AR: variants seen among roughly 807,000 people sequenced by gnomAD.
AR encodes androgen receptor.
AR carries 8 observed loss-of-function variants against 53.9 expected under a neutral mutation model. The ratio of observed to expected loss-of-function variants is 0.15; its 90% CI spans 0.09 to 0.27. AR has a LOEUF of 0.27. Ranked by LOEUF, AR falls within the 10% of genes least tolerant of loss-of-function variation. The probability of loss-of-function intolerance (pLI) is 1.00; values close to 1 mark genes in which losing one functional copy is unlikely to be tolerated. For synonymous variants in AR, 359 were observed against 316.4 expected, an observed-to-expected ratio of 1.13 and a Z score of -1.43; for missense variants, 639 against 742.5, an observed-to-expected ratio of 0.86 and a Z score of 1.62.
intron 3 of AR, among the ~76,000 whole-genome samples, chrX:67,705,647 T>C (rs1335025124): frequency 9.0e-6 from 1 of 111,635 alleles, no homozygotes; most frequent in Non-Finnish European, 1.9e-5. Context: ...TTCTTTCTGC[T>C]GCCTGATTGT....
intron 1 of AR, among the ~76,000 whole-genome samples, chrX:67,640,147 T>C (rs1925669035): frequency 8.9e-6 from 1 of 111,751 alleles, no homozygotes; most frequent in Non-Finnish European, 1.9e-5. Flanking sequence ...TGAACCAGCC[T>C]TGCATCCCAG....
At chrX:67,693,766 C>CT (rs2076006688) in intron 3 of AR, among the ~76,000 whole-genome samples, 1 of 111,764 alleles carries the variant, frequency 8.9e-6, no homozygotes, top group African/African-American at 3.2e-5. Context: ...CCTGCATCAC[C>CT]TTTTTTGGAA....
At chrX:67,593,573 A>G (rs1282194908) in intron 1 of AR, among the ~76,000 whole-genome samples, 11 of 110,577 alleles carry the variant, frequency 9.9e-5, no homozygotes, top group Non-Finnish European at 1.9e-5. Context: ...GATGGTCTCG[A>G]TCTCTTGACC....
At chrX:67,666,892 T>A (rs1927291268) in intron 2 of AR, among the ~76,000 whole-genome samples, 1 of 111,019 alleles carries the variant, frequency 9.0e-6, no homozygotes, top group South Asian at 3.8e-4. Context: ...CTTTTGCCCA[T>A]TTTTTAATCA....
intron 1 of AR, among the ~76,000 whole-genome samples, chrX:67,641,182 C>T (rs1388442119): frequency 9.0e-6 from 1 of 111,477 alleles, no homozygotes; most frequent in Non-Finnish European, 1.9e-5. Context: ...CTGGCATTGC[C>T]ACTTATTATT....
intron 3 of AR, among the ~76,000 whole-genome samples, chrX:67,703,729 T>C (rs1312189645): frequency 8.9e-6 from 1 of 111,888 alleles, no homozygotes; most frequent in Non-Finnish European, 1.9e-5. Flanking sequence ...ATGTGCCAAG[T>C]TGGTGTGCTG....
At chrX:67,637,962 C>T (rs1276688650) in intron 1 of AR, among the ~76,000 whole-genome samples, 1 of 111,039 alleles carries the variant, frequency 9.0e-6, no homozygotes, top group Non-Finnish European at 1.9e-5. Context: ...TCTCCTAATG[C>T]TATTCCCTCC....
At chrX:67,661,975 G>T (rs1926945733) in intron 2 of AR, among the ~76,000 whole-genome samples, 1 of 111,828 alleles carries the variant, frequency 8.9e-6, no homozygotes, top group African/African-American at 3.2e-5. Flanking sequence ...TAGTTTATTT[G>T]CATACAGGTG....
chrX:67,675,426 G>C (rs899309873), intron 2 of AR, among the ~76,000 whole-genome samples: 2 of 111,572 alleles, frequency 1.8e-5, no homozygotes, highest in Non-Finnish European at 3.8e-5. Context: ...AGATCCCAGA[G>C]CACTTTAGCC....
At chrX:67,608,822 C>A (rs1412661606) in intron 1 of AR, among the ~76,000 whole-genome samples, 1 of 111,537 alleles carries the variant, frequency 9.0e-6, no homozygotes, top group South Asian at 3.7e-4. Context: ...TGGTTTTAAT[C>A]ATGGCTTATT....
intron 2 of AR, among the ~76,000 whole-genome samples, chrX:67,652,831 A>T (rs1018665787): frequency 8.9e-6 from 1 of 111,984 alleles, no homozygotes; most frequent in Non-Finnish European, 1.9e-5. Flanking sequence ...GGTATTCTAT[A>T]GTGAGAGGAC....
At chrX:67,594,146 A>G (rs1922973826) in intron 1 of AR, among the ~76,000 whole-genome samples, 1 of 111,730 alleles carries the variant, frequency 9.0e-6, no homozygotes, top group South Asian at 3.7e-4. Context: ...AGTGGGCACC[A>G]CACTCTCTGC....
intron 1 of AR, among the ~76,000 whole-genome samples, chrX:67,623,758 AAAAG>A (rs1264696909): frequency 8.9e-6 from 1 of 111,910 alleles, no homozygotes; most frequent in Non-Finnish European, 1.9e-5. Flanking sequence ...GAATAAGAAA[AAAAG>A]AGAGAAAATT....
chrX:67,659,429 C>T (rs1926758335), intron 2 of AR, among the ~76,000 whole-genome samples: 1 of 110,738 alleles, frequency 9.0e-6, no homozygotes, highest in Non-Finnish European at 1.9e-5. Flanking sequence ...CATGTGTTCT[C>T]ATTGTTCAAT....
chrX:67,702,942 G>A (rs750371714), intron 3 of AR, among the ~76,000 whole-genome samples: 3 of 111,435 alleles, frequency 2.7e-5, no homozygotes, highest in African/African-American at 9.8e-5. Flanking sequence ...ACCAGGAGTG[G>A]TAGTGTACAA....
intron 3 of AR, among the ~76,000 whole-genome samples, chrX:67,706,515 G>T (rs947388637): frequency 3.6e-5 from 4 of 110,950 alleles, no homozygotes; most frequent in Non-Finnish European, 5.7e-5. Flanking sequence ...ATTTTTTATT[G>T]CATCTATTTG....
At chrX:67,568,731 G>A (rs1177923293) in intron 1 of AR, 9 of 379,819 alleles carry the variant, frequency 2.4e-5, no homozygotes, top group Non-Finnish European at 3.0e-5. Flanking sequence ...GGCATCAGGA[G>A]GGTATGTTAG....
intron 1 of AR, among the ~76,000 whole-genome samples, chrX:67,589,479 G>A (rs1043301529): frequency 9.0e-6 from 1 of 111,573 alleles, no homozygotes; most frequent in Non-Finnish European, 1.9e-5. Context: ...ACATGAATTT[G>A]GGAGTAGACT....
chrX:67,611,044 A>G (rs1923857579), intron 1 of AR, among the ~76,000 whole-genome samples: 1 of 111,789 alleles, frequency 8.9e-6, no homozygotes, highest in Non-Finnish European at 1.9e-5. Flanking sequence ...GAACTTAGTT[A>G]TTTTTAGATT....
Sources: gnomAD v4.1 joint callset for allele counts (sites outside exome capture counted in the v4.1 genomes callset) on GRCh38, gnomAD v4.1.1 for gene constraint, MANE v1.5 for transcripts, NCBI Gene and HGNC (gene_info 2026-07-23, HGNC 2026-07-21) for gene names.